EPX: variants seen among roughly 807,000 people sequenced by gnomAD.
EPX encodes the protein eosinophil peroxidase.
EPX carries 60 observed loss-of-function variants against 73.0 expected under a neutral mutation model. That is an observed-to-expected ratio of 0.82 (90% CI 0.67 to 1.02). The LOEUF is 1.02. EPX is among the 50% of genes least tolerant of loss of function. The pLI is 0.00. For missense variants in EPX, 950 were observed against 973.9 expected, an observed-to-expected ratio of 0.98 and a Z score of 0.33; for synonymous variants, 347 against 389.2, an observed-to-expected ratio of 0.89 and a Z score of 1.28.
chr17:58,193,024 A>T lies in EPX; in HGVS notation c.77-14A>T, dbSNP rs768412151. 4 of 1,605,102 alleles carry T rather than the reference A, an allele frequency of 2.5e-6. No homozygotes were observed. The African/African-American group carries it at 5.4e-5, about 21-fold the overall frequency. On this transcript the variant is annotated splice_polypyrimidine_tract_variant and intron_variant, in intron 1 of 12. Transcript: ENST00000225371. The stretch of plus-strand genomic sequence containing the variant: ...GTGGCTTGCTGAACCCTGAGTCCCC[A>T]TCTCTTTGAACAGCCTCCCCTGGGG...
Position 58,193,356 on chromosome 17 carries a change from T to A in EPX, c.171-15T>A. On this transcript the variant is annotated splice_polypyrimidine_tract_variant and intron_variant, in intron 2 of 12. Transcript: ENST00000225371. ...GCACCCTCTCTCCAGCCCTCACTCC[T>A]CCTCTCCTGGGCAGCATCAAGCAGC... 1 of 1,613,936 alleles carries A rather than the reference T, an allele frequency of 6.2e-7. No individual in the cohort carries two copies. The highest frequency in any genetic ancestry group is 8.5e-7 in the Non-Finnish European group (1 of 1,179,910).
chr17:58,196,050 TC>T (rs1968252372), intron 6 of EPX, among the ~76,000 whole-genome samples: 2 of 151,098 alleles, frequency 1.3e-5, no homozygotes, highest in South Asian at 4.2e-4. Flanking sequence ...TCTTTTTCTT[TC>T]TTTTTCTTTC....
intron 9 of EPX, 28 bp downstream of exon 9, chr17:58,199,822 G>T (rs893478744): frequency 6.2e-7 from 1 of 1,608,686 alleles, no homozygotes. Context: ...GGGGCAAATG[G>T]GGGTGAGGGT....
At chr17:58,195,668 G>A (rs1968245290) in intron 6 of EPX, among the ~76,000 whole-genome samples, 1 of 151,944 alleles carries the variant, frequency 6.6e-6, no homozygotes, top group South Asian at 2.1e-4. Context: ...TAGGAACATA[G>A]GGTTGACACA....
chr17:58,193,814 T>C lies in EPX; in HGVS notation c.447T>C (p.Thr149=), dbSNP rs1224432505. The part of the protein sequence containing the change: ...ERCSDKYRTI[T]GRCNNKRRPL... The stretch of plus-strand genomic sequence containing the variant: ...GCAGCGACAAGTACCGCACCATCAC[T>C]GGACGGTGCAACAACAAGTGCGTGC... The change falls in exon 4 of 13, where the codon ACT becomes ACC. Residue 149 remains threonine (T), a synonymous_variant. Coordinates refer to ENST00000225371, the MANE Select transcript of EPX (RefSeq NM_000502.6). The C allele has an allele frequency of 4.3e-6, 7 of 1,611,694 alleles. No homozygotes were observed. The highest frequency in any genetic ancestry group is 5.9e-6 in the Non-Finnish European group (7 of 1,178,008).
chr17:58,194,771 G>A (rs1049687575), intron 5 of EPX, among the ~76,000 whole-genome samples, 193 bp from the exon 6 acceptor site: 1 of 152,222 alleles, frequency 6.6e-6, no homozygotes, highest in Non-Finnish European at 1.5e-5. Flanking sequence ...CAGGAGCCCA[G>A]CCAGAAACCA....
chr17:58,198,223 A>C (rs1968288724), intron 7 of EPX, among the ~76,000 whole-genome samples: 1 of 152,208 alleles, frequency 6.6e-6, no homozygotes, highest in African/African-American at 2.4e-5. Flanking sequence ...TACGATAAGA[A>C]ACTGAGACTC....
At chr17:58,198,252 G>A (rs942982428) in intron 7 of EPX, among the ~76,000 whole-genome samples, 9 of 152,140 alleles carry the variant, frequency 5.9e-5, no homozygotes, top group African/African-American at 1.4e-4. Flanking sequence ...TGAATCATGC[G>A]CCCAAGAGCA....
At chr17:58,197,993 G>A (rs1280694528) in intron 7 of EPX, among the ~76,000 whole-genome samples, 2 of 152,092 alleles carry the variant, frequency 1.3e-5, no homozygotes, top group Non-Finnish European at 2.9e-5. Flanking sequence ...CTGCCACCAC[G>A]TTTGGCTAAT....
chr17:58,203,863 C>T (rs79305824), intron 11 of EPX, among the ~76,000 whole-genome samples: 6 of 124,240 alleles, frequency 4.8e-5, no homozygotes, highest in East Asian at 2.8e-4. Context: ...ACCCGGGAGG[C>T]GGAGCTTGCA....
chr17:58,197,831 T>A (rs1968282126), intron 7 of EPX, among the ~76,000 whole-genome samples: 1 of 151,024 alleles, frequency 6.6e-6, no homozygotes, highest in Non-Finnish European at 1.5e-5. Flanking sequence ...TTAAGATATT[T>A]ATCTTATTAT....
At chr17:58,198,047 G>T (rs891394335) in intron 7 of EPX, among the ~76,000 whole-genome samples, 12 of 152,106 alleles carry the variant, frequency 7.9e-5, no homozygotes, top group Non-Finnish European at 4.4e-5. Flanking sequence ...TGTTGGCCAG[G>T]CTGGTCTCGA....
In EPX at chr17:58,203,284, G is replaced by A. The variant is rs148158670; in HGVS notation, c.1912G>A (p.Glu638Lys). ...GGGGCCTCTTCTGGCTTGTCTGTTCGAGAACCAGTTCAGAAGAGCCCGAGA... is the reference window on the plus strand; with the variant it reads ...GGGGCCTCTTCTGGCTTGTCTGTTCAAGAACCAGTTCAGAAGAGCCCGAGA... ...RVGPLLACLF[E>K]NQFRRARDGD... Residue 638 changes from glutamate to lysine, a missense_variant, in exon 11 of 13, where the codon GAG becomes AAG. Transcript: ENST00000225371. 1.5e-5 allele frequency: 24 copies of A among 1,613,940 alleles called. No individual in the cohort carries two copies. The highest frequency in any genetic ancestry group is 6.7e-5 in the East Asian group (3 of 44,878).
At chr17:58,203,931 C>CAAAAAAAAAAA (rs567848038) in intron 11 of EPX, among the ~76,000 whole-genome samples, 4 of 15,778 alleles carry the variant, frequency 2.5e-4, no homozygotes, top group African/African-American at 4.2e-4. Context: ...GACTCCGTCT[C>CAAAAAAAAAAA]AAAAAAAAAA....
At chr17:58,203,720 CAGG>C (rs1217649289) in intron 11 of EPX, among the ~76,000 whole-genome samples, 2 of 151,756 alleles carry the variant, frequency 1.3e-5, no homozygotes, top group Non-Finnish European at 1.5e-5. Context: ...ATCACGAGGT[CAGG>C]AGATCGAGAC....
intron 6 of EPX, among the ~76,000 whole-genome samples, chr17:58,196,029 CT>C (rs1968251295): frequency 7.8e-6 from 1 of 127,408 alleles, no homozygotes; most frequent in African/African-American, 3.2e-5. Context: ...TCCTTCCTTC[CT>C]TTCTTTCTTT....
intron 10 of EPX, among the ~76,000 whole-genome samples, chr17:58,200,739 A>T (rs1220485809): frequency 3.3e-5 from 5 of 152,192 alleles, no homozygotes; most frequent in Non-Finnish European, 7.3e-5. Flanking sequence ...ACACGCTGGC[A>T]AGTTCCAAGG....
rs778245149 is a variant in EPX at position 58,193,069 on chromosome 17, G to A, written c.108G>A (p.Leu36=). 5.0e-6 allele frequency: 8 copies of A among 1,612,810 alleles called. No homozygotes were observed. In the African/African-American group the frequency reaches 9.4e-5, roughly 19 times the overall value. The change falls in exon 2 of 13, where the codon CTG becomes CTA. Residue 36 remains leucine, a synonymous_variant. Transcript: ENST00000225371. ...ASPGAVETSV[L]RDCIAEAKLL... is the part of the protein sequence containing the mutation. Reference sequence around the variant, plus strand: ...CTGGGGCAGTGGAGACCTCGGTCCTGCGAGACTGCATAGCAGAGGCCAAGT... The same window carrying A: ...CTGGGGCAGTGGAGACCTCGGTCCTACGAGACTGCATAGCAGAGGCCAAGT...
At position 58,194,998 on chromosome 17, in the gene EPX, C is replaced by G. The variant is rs759604568; in HGVS notation, c.629C>G (p.Pro210Arg). The change falls in exon 6 of 13, where the codon CCC becomes CGC. Residue 210 changes from proline to arginine, a missense_variant. Coordinates refer to ENST00000225371, the MANE Select transcript of EPX (RefSeq NM_000502.6). ...GTCTCCAACCAGATTGTGCGCTTCCCCAATGAGAGACTGACCTCCGACCGT... is the reference window on the plus strand; with the variant it reads ...GTCTCCAACCAGATTGTGCGCTTCCGCAATGAGAGACTGACCTCCGACCGT... ...RAVSNQIVRF[P>R]NERLTSDRGR... 4 of 1,614,146 alleles carry G rather than the reference C, an allele frequency of 2.5e-6. No homozygotes were observed. Among genetic ancestry groups the G allele is most frequent in the Non-Finnish European group, 3.4e-6 (4 of 1,179,980 alleles).
Sources: gnomAD v4.1 joint callset for allele counts (sites outside exome capture counted in the v4.1 genomes callset) on GRCh38, gnomAD v4.1.1 for gene constraint, MANE v1.5 for transcripts, NCBI Gene and HGNC (gene_info 2026-07-23, HGNC 2026-07-21) for gene names.